The following MECOM variants were observed in gnomAD, a reference collection of about 807,000 sequenced individuals.
MECOM encodes the protein MDS1 and EVI1 complex locus, also known as histone-lysine N-methyltransferase MECOM.
MECOM carries 13 observed loss-of-function variants against 116.3 expected under a neutral mutation model. The observed-to-expected ratio is 0.11, with a 90% CI of 0.07 to 0.18. MECOM has a LOEUF of 0.18. Ranked by LOEUF, MECOM falls within the 10% of genes least tolerant of loss-of-function variation. The pLI, the probability that MECOM is intolerant of heterozygous loss-of-function variation, is 1.00. For missense variants in MECOM, 1,299 were observed against 1,509.0 expected (o/e 0.86, Z 2.31); for synonymous variants, 528 against 535.2 (o/e 0.99, Z 0.19).
At chr3:169,095,699 C>T (rs114382972) in intron 12 of MECOM, among the ~76,000 whole-genome samples, 1,922 of 152,184 alleles carry the variant, frequency 0.013, 23 homozygotes, top group Non-Finnish European at 0.019. Flanking sequence ...TTCTCAGGTG[C>T]TAATCCTAAA....
intron 1 of MECOM, among the ~76,000 whole-genome samples, chr3:169,409,924 GT>G (rs1312953762): frequency 6.6e-6 from 1 of 152,126 alleles, no homozygotes; most frequent in Non-Finnish European, 1.5e-5. Flanking sequence ...GCTTAAACTT[GT>G]TTCTCTTTTC....
At chr3:169,538,496 A>G (rs1382972531) in intron 1 of MECOM, among the ~76,000 whole-genome samples, 2 of 152,200 alleles carry the variant, frequency 1.3e-5, no homozygotes, top group Non-Finnish European at 2.9e-5. Flanking sequence ...CCCTATCCTC[A>G]GTTTGCAAAA....
intron 1 of MECOM, among the ~76,000 whole-genome samples, chr3:169,645,514 T>G (rs1291710604): frequency 6.6e-6 from 1 of 152,176 alleles, no homozygotes; most frequent in Non-Finnish European, 1.5e-5. Flanking sequence ...AACATTATTG[T>G]CTCCTTAGAA....
intron 1 of MECOM, among the ~76,000 whole-genome samples, chr3:169,461,215 T>C (rs890003379): frequency 2.0e-5 from 3 of 152,178 alleles, no homozygotes; most frequent in Non-Finnish European, 4.4e-5. Context: ...TCATCTATTT[T>C]CTAAATTAGT....
At chr3:169,586,173 G>A (rs961691939) in intron 1 of MECOM, among the ~76,000 whole-genome samples, 1 of 152,108 alleles carries the variant, frequency 6.6e-6, no homozygotes, top group African/African-American at 2.4e-5. Context: ...CCATTTCTTT[G>A]CAAGTAAAGT....
intron 1 of MECOM, among the ~76,000 whole-genome samples, chr3:169,556,344 G>A (rs1444338255): frequency 2.6e-5 from 4 of 152,148 alleles, no homozygotes; most frequent in African/African-American, 4.8e-5. Context: ...TTTTGAATAC[G>A]ACCCTCTGAT....
chr3:169,144,944 T>G, intron 2 of MECOM: 1 of 1,452,502 alleles, frequency 6.9e-7, no homozygotes, highest in South Asian at 1.2e-5. Context: ...CAAAAGCAAT[T>G]TTGCATAGAA....
intron 2 of MECOM, among the ~76,000 whole-genome samples, chr3:169,243,397 T>C (rs930272664): frequency 6.6e-6 from 1 of 152,324 alleles, no homozygotes; most frequent in East Asian, 1.9e-4. Flanking sequence ...CCATTTATTT[T>C]GCAGAGTTTT....
chr3:169,107,120 G>A (rs952464681), intron 10 of MECOM, among the ~76,000 whole-genome samples: 1 of 152,106 alleles, frequency 6.6e-6, no homozygotes, highest in Non-Finnish European at 1.5e-5. Flanking sequence ...TAAAAGGACA[G>A]CTAAACTATA....
intron 1 of MECOM, among the ~76,000 whole-genome samples, chr3:169,469,228 G>A (rs1322609393): frequency 6.6e-6 from 1 of 152,166 alleles, no homozygotes; most frequent in African/African-American, 2.4e-5. Flanking sequence ...CCCAGGTAAA[G>A]GTGGTGAGAG....
At chr3:169,269,682 T>C (rs1410450324) in intron 2 of MECOM, among the ~76,000 whole-genome samples, 3 of 152,184 alleles carry the variant, frequency 2.0e-5, no homozygotes, top group African/African-American at 4.8e-5. Context: ...AATTCCTCAC[T>C]AAACCTCACT....
At chr3:169,516,811 T>C (rs1756683238) in intron 1 of MECOM, among the ~76,000 whole-genome samples, 1 of 152,216 alleles carries the variant, frequency 6.6e-6, no homozygotes, top group Non-Finnish European at 1.5e-5. Flanking sequence ...GGTCCATTTT[T>C]TAAGGGCAGA....
chr3:169,659,298 T>G (rs1274026169), intron 1 of MECOM, among the ~76,000 whole-genome samples: 1 of 152,052 alleles, frequency 6.6e-6, no homozygotes, highest in East Asian at 1.9e-4. Context: ...AGCCAAGACC[T>G]GCAACTCTGC....
In MECOM at chr3:169,305,851, T is replaced by C. The variant is rs77244063; in HGVS notation, c.375+75336A>G. Among the ~76,000 whole-genome samples the C allele has an allele frequency of 2.2e-3, 331 of 152,214 alleles. 5 individuals carry two copies. In the East Asian group the frequency reaches 0.044, roughly 20 times the overall value. Reference sequence around the variant, plus strand: ...AAAGTTGTGTAAAGGTTTTTTTTTTTCCCCTTCCCAATGACTTACTTCAAC... The same window carrying C: ...AAAGTTGTGTAAAGGTTTTTTTTTTCCCCCTTCCCAATGACTTACTTCAAC... On this transcript the variant is annotated intron_variant, in intron 2 of 16. Transcript: ENST00000651503.
At chr3:169,545,064 A>G (rs1760556724) in intron 1 of MECOM, among the ~76,000 whole-genome samples, 1 of 152,202 alleles carries the variant, frequency 6.6e-6, no homozygotes, top group Non-Finnish European at 1.5e-5. Flanking sequence ...TAATTAAAAA[A>G]AAGAAAATGG....
At chr3:169,560,196 T>C (rs766316347) in intron 1 of MECOM, among the ~76,000 whole-genome samples, 30 of 152,200 alleles carry the variant, frequency 2.0e-4, no homozygotes, top group Non-Finnish European at 4.4e-5. Context: ...TTATTAAGCT[T>C]GTAAGTGTTA....
rs986020916 is a variant in MECOM at position 169,260,281 on chromosome 3, A to C, written c.376-116449T>G. Among the ~76,000 whole-genome samples, 4 of 152,214 alleles carry C rather than the reference A, an allele frequency of 2.6e-5. 1 individual carries two copies. The highest frequency in any genetic ancestry group is 9.7e-5 in the African/African-American group (4 of 41,446). ...TTAAAAAAATATACCCAGTAACCAG[A>C]GTTCTAAAGAACTTACATTAAAACT... On this transcript the variant is annotated intron_variant, in intron 2 of 16. Coordinates refer to ENST00000651503, the MANE Select transcript of MECOM (RefSeq NM_004991.4).
intron 2 of MECOM, among the ~76,000 whole-genome samples, chr3:169,219,018 C>T (rs1273213130): frequency 1.3e-5 from 2 of 152,022 alleles, no homozygotes; most frequent in African/African-American, 2.4e-5. Context: ...GTCTGTGGGG[C>T]CCCAGTGTTG....
chr3:169,455,035 G>A (rs377764857), intron 1 of MECOM, among the ~76,000 whole-genome samples: 3 of 152,192 alleles, frequency 2.0e-5, no homozygotes, highest in East Asian at 1.9e-4. Context: ...GACTTACTAC[G>A]TGTTTTCCAG....
Sources: allele counts gnomAD v4.1 joint callset (sites outside exome capture counted in the v4.1 genomes callset), GRCh38; gene constraint gnomAD v4.1.1; transcripts MANE v1.5; gene names NCBI Gene and HGNC (gene_info 2026-07-23, HGNC 2026-07-21).